The following VPS13A variants were observed in gnomAD, a reference collection of about 807,000 sequenced individuals.
VPS13A encodes the protein vacuolar protein sorting 13 homolog A, also known as intermembrane lipid transfer protein VPS13A.
VPS13A carries 264 observed loss-of-function variants against 390.9 expected under a neutral mutation model. That is an observed-to-expected ratio of 0.68 (90% CI 0.61 to 0.75). The LOEUF (loss-of-function observed/expected upper bound fraction) is 0.75. VPS13A is among the 30% of genes least tolerant of loss of function. The pLI, the probability that VPS13A is intolerant of heterozygous loss-of-function variation, is 0.00. For synonymous variants in VPS13A, 1,231 were observed against 1,227.1 expected, an observed-to-expected ratio of 1.00 and a Z score of -0.07; for missense variants, 3,409 against 3,733.9, an observed-to-expected ratio of 0.91 and a Z score of 2.27.
chr9:77,339,380 T>A (rs2011433202), intron 47 of VPS13A, 136 bp from the exon 48 acceptor site: 1 of 793,448 alleles, frequency 1.3e-6, no homozygotes, highest in African/African-American at 1.7e-5. Context: ...AGAACTTGAA[T>A]GTAAGTCTTC....
rs757091737 is a variant in VPS13A at position 77,403,305 on chromosome 9, C to G, written c.9259C>G (p.Leu3087Val). 3.7e-6 allele frequency: 6 copies of G among 1,611,410 alleles called. No homozygotes were observed. The highest frequency in any genetic ancestry group is 5.1e-6 in the Non-Finnish European group (6 of 1,179,292). The change falls in exon 69 of 72, where the codon CTA becomes GTA. Residue 3087 changes from leucine (L) to valine (V), a missense_variant. Transcript: ENST00000360280. ...THVMINKTDM[L>V]MITRRGVLFV... ...TGTCATGATCAATAAGACAGATATGCTAATGATAACCAGACGGTAACTTGC... is the reference window on the plus strand; with the variant it reads ...TGTCATGATCAATAAGACAGATATGGTAATGATAACCAGACGGTAACTTGC...
chr9:77,382,725 C>T (rs1833506087), intron 68 of VPS13A: 1 of 987,396 alleles, frequency 1.0e-6, no homozygotes, highest in Non-Finnish European at 1.2e-6. Context: ...CCATGACCCT[C>T]TTCCTGCTTT....
At chr9:77,409,936 T>A (rs1409736971) in intron 71 of VPS13A, among the ~76,000 whole-genome samples, 2 of 151,180 alleles carry the variant, frequency 1.3e-5, no homozygotes, top group Non-Finnish European at 2.9e-5. Context: ...ATTCAGGAAA[T>A]ACAGAGAATG....
chr9:77,346,408 T>C (rs1297540316), intron 52 of VPS13A, among the ~76,000 whole-genome samples: 2 of 152,200 alleles, frequency 1.3e-5, no homozygotes, highest in African/African-American at 4.8e-5. Flanking sequence ...TTGAGATCCT[T>C]ACAGATTCTG....
At chr9:77,379,412 G>A (rs963948861) in intron 67 of VPS13A, among the ~76,000 whole-genome samples, 1 of 151,836 alleles carries the variant, frequency 6.6e-6, no homozygotes, top group African/African-American at 2.4e-5. Context: ...GGCTAATTTT[G>A]TATTTTTAGT....
chr9:77,275,992 A>C, intron 25 of VPS13A, 73 bp from the exon 26 acceptor site: 1 of 1,493,602 alleles, frequency 6.7e-7, no homozygotes. Context: ...TCATATATTC[A>C]CATGTAACCA....
rs7026411 is a variant in VPS13A, at chr9:77,400,465, T to C, written c.9190-2771T>C. Among the ~76,000 whole-genome samples the C allele has an allele frequency of 5.6e-3, 847 of 152,242 alleles. 9 individuals are homozygous for C. Among genetic ancestry groups the C allele is most frequent in the African/African-American group, 0.02 (815 of 41,526 alleles). On this transcript the variant is annotated intron_variant, in intron 68 of 71. Coordinates refer to ENST00000360280, the MANE Select transcript of VPS13A (RefSeq NM_033305.3). ...TTGCCATTCAGTAGTGGTTAAGTTC[T>C]ATGTACTTAACAATTTTTTATGTTG...
intron 1 of VPS13A, among the ~76,000 whole-genome samples, chr9:77,193,548 C>T (rs769882775): frequency 1.3e-5 from 2 of 152,156 alleles, no homozygotes; most frequent in Non-Finnish European, 2.9e-5. Flanking sequence ...GCAGGAGAAT[C>T]ACTTGAACCC....
At chr9:77,281,246 A>G (rs1461925672) in intron 27 of VPS13A, among the ~76,000 whole-genome samples, 1 of 152,162 alleles carries the variant, frequency 6.6e-6, no homozygotes, top group Non-Finnish European at 1.5e-5. Flanking sequence ...AACTGTAATC[A>G]ATAATAATGT....
intron 35 of VPS13A, among the ~76,000 whole-genome samples, chr9:77,312,423 A>AT (rs200809406): frequency 0.25 from 36,198 of 146,592 alleles, 4,997 homozygotes; most frequent in South Asian, 0.42. Flanking sequence ...TGTTCATATA[A>AT]TTTTTTTTTT....
chr9:77,312,042 A>T (rs1030836509), intron 35 of VPS13A, among the ~76,000 whole-genome samples: 10 of 152,206 alleles, frequency 6.6e-5, no homozygotes, highest in African/African-American at 2.4e-4. Flanking sequence ...GTAGAGTAAG[A>T]TATTAGAAAT....
intron 13 of VPS13A, among the ~76,000 whole-genome samples, chr9:77,224,757 C>G (rs1013724698): frequency 1.3e-5 from 2 of 152,342 alleles, no homozygotes; most frequent in East Asian, 3.9e-4. Flanking sequence ...TAAAGCAGCA[C>G]TGCTGTTTGA....
intron 22 of VPS13A, among the ~76,000 whole-genome samples, chr9:77,256,282 A>G (rs190028984): frequency 2.0e-5 from 3 of 152,064 alleles, no homozygotes; most frequent in South Asian, 2.1e-4. Context: ...TTAAATTTCT[A>G]TACACTTGTG....
At chr9:77,333,245 T>C (rs550245234) in intron 46 of VPS13A, among the ~76,000 whole-genome samples, 1 of 152,310 alleles carries the variant, frequency 6.6e-6, no homozygotes, top group South Asian at 2.1e-4. Flanking sequence ...CTGTCCATAG[T>C]AGAGAAAACA....
chr9:77,214,351 T>C lies in VPS13A; in HGVS notation c.719T>C (p.Val240Ala). 1 of 1,613,120 alleles carries C rather than the reference T, an allele frequency of 6.2e-7. No homozygotes were observed. Among genetic ancestry groups the C allele is most frequent in the Non-Finnish European group, 8.5e-7 (1 of 1,179,276 alleles). The change falls in exon 10 of 72, where the codon GTC (valine) becomes GCC (alanine). Residue 240 changes from valine (V) to alanine (A), a missense_variant. By Grantham distance (64) the Val-to-Ala change is moderately conservative. Around this residue, in one of 5 missense-constraint regions of VPS13A, gnomAD observed 2,717 missense variants for 2,917.4 expected, o/e 0.93. Coordinates refer to ENST00000360280, the MANE Select transcript of VPS13A (RefSeq NM_033305.3). ...TAGGACGACTTGAAGAATGGCATTG[T>C]CAATGAAAATATTGTTCCAGAAGGT... Reference protein sequence around the residue: ...NSLDDLKNGIVNENIVPEGYD... With the variant: ...NSLDDLKNGIANENIVPEGYD...
At chr9:77,354,228 TTTC>T (rs1179624966) in intron 54 of VPS13A, among the ~76,000 whole-genome samples, 1 of 152,112 alleles carries the variant, frequency 6.6e-6, no homozygotes, top group Non-Finnish European at 1.5e-5. Context: ...TTTTAATCCT[TTTC>T]TTGAATTAAA....
chr9:77,275,418 T>C, intron 24 of VPS13A, 80 bp from the exon 25 acceptor site: 1 of 1,322,456 alleles, frequency 7.6e-7, no homozygotes, highest in Non-Finnish European at 1.1e-6. Flanking sequence ...AGTGTTTTAG[T>C]GTTCATATTT....
At chr9:77,355,256 C>T (rs12352004) in intron 54 of VPS13A, among the ~76,000 whole-genome samples, 26,439 of 152,154 alleles carry the variant, frequency 0.17, 2,449 homozygotes, top group Middle Eastern at 0.25. Flanking sequence ...GTCAGCATTA[C>T]CAGTGACCTC....
At chr9:77,258,701 T>C (rs2131289608) in intron 22 of VPS13A, among the ~76,000 whole-genome samples, 1 of 152,292 alleles carries the variant, frequency 6.6e-6, no homozygotes, top group Non-Finnish European at 1.5e-5. Context: ...TCCCAAATTA[T>C]GTCTGCTGCT....
Sources: allele counts gnomAD v4.1 joint callset (sites outside exome capture counted in the v4.1 genomes callset), GRCh38; gene constraint gnomAD v4.1.1; regional missense constraint gnomAD v4.1.1; transcripts MANE v1.5; gene names NCBI Gene and HGNC (gene_info 2026-07-23, HGNC 2026-07-21).